Variants in FNBP1L observed in about 807,000 individuals in gnomAD.
FNBP1L encodes formin-binding protein 1-like.
Under a neutral mutation model 91.2 loss-of-function variants are expected in FNBP1L, and 36 were observed. The observed-to-expected ratio is 0.39, with a 90% CI of 0.30 to 0.52. The LOEUF (loss-of-function observed/expected upper bound fraction) is 0.52, where lower values mean the gene tolerates loss of function less well. Among genes scored for constraint, FNBP1L ranks in the 20% least tolerant of loss-of-function variants. The pLI, the probability that FNBP1L is intolerant of heterozygous loss-of-function variation, is 0.66. For synonymous variants in FNBP1L, 242 were observed against 237.0 expected (o/e 1.02, Z -0.19); for missense variants, 571 against 732.1 (o/e 0.78, Z 2.54).
intron 2 of FNBP1L, among the ~76,000 whole-genome samples, chr1:93,518,415 G>C (rs1235514934): frequency 1.3e-5 from 2 of 152,072 alleles, no homozygotes; most frequent in Non-Finnish European, 2.9e-5. Context: ...GCTTCTCTTT[G>C]TGTATTTTTT....
chr1:93,548,217 G>A (rs954880184), intron 14 of FNBP1L, among the ~76,000 whole-genome samples: 1 of 152,102 alleles, frequency 6.6e-6, no homozygotes, highest in East Asian at 1.9e-4. Context: ...ACTGGTTTTT[G>A]TTATTAGGTA....
At chr1:93,540,602 T>C (rs974795706) in intron 10 of FNBP1L, among the ~76,000 whole-genome samples, 5 of 152,140 alleles carry the variant, frequency 3.3e-5, no homozygotes, top group Non-Finnish European at 7.4e-5. Context: ...GTGTTTTCTT[T>C]AACACACTGG....
At chr1:93,488,801 G>T (rs1480350533) in intron 1 of FNBP1L, among the ~76,000 whole-genome samples, 1 of 152,162 alleles carries the variant, frequency 6.6e-6, no homozygotes, top group African/African-American at 2.4e-5. Context: ...TAGGGTTATG[G>T]ACAGTTTATC....
At chr1:93,468,369 G>A (rs1013020968) in intron 1 of FNBP1L, among the ~76,000 whole-genome samples, 2 of 151,880 alleles carry the variant, frequency 1.3e-5, no homozygotes, top group African/African-American at 2.4e-5. Flanking sequence ...TGACTTTTAG[G>A]TGTTTTCTAT....
chr1:93,466,634 G>A (rs571775532), intron 1 of FNBP1L, among the ~76,000 whole-genome samples: 24 of 152,224 alleles, frequency 1.6e-4, no homozygotes, highest in Admixed American at 3.3e-4. Context: ...GTCAGGTAGC[G>A]TCATGCCTCC....
In FNBP1L at chr1:93,554,257, CTG is replaced by C. The variant is rs1192108491; in HGVS notation, c.*1845_*1846del. On this transcript the variant is annotated 3_prime_UTR_variant, in exon 17 of 17. Transcript: ENST00000271234. ...GCAATGAGGAGGAAATGTGATCTGGCTGTGTTTGTCTTCTGTACAAAGCCTGA... is the reference window on the plus strand; with the variant it reads ...GCAATGAGGAGGAAATGTGATCTGGCTGTTTGTCTTCTGTACAAAGCCTGA... 1 of 152,644 alleles carries C rather than the reference CTG, an allele frequency of 6.6e-6. No homozygotes were observed. The highest frequency in any genetic ancestry group is 2.4e-5 in the African/African-American group (1 of 41,450). 9.5% of individuals were successfully genotyped at this position (152,644 alleles called of 1,614,324 possible). A position where few individuals can be genotyped will look rare whatever the true frequency, so the allele number is the denominator to read the frequency against.
At position 93,552,559 on chromosome 1, in the gene FNBP1L, T is replaced by TA; in HGVS notation, c.*145dup. 1.5e-6 allele frequency: 1 copy of TA among 688,542 alleles called. No individual in the cohort carries two copies. Among genetic ancestry groups the TA allele is most frequent in the Admixed American group, 3.0e-5 (1 of 33,612 alleles). 42.7% of individuals were successfully genotyped at this position (688,542 alleles called of 1,614,324 possible). On this transcript the variant is annotated 3_prime_UTR_variant, in exon 17 of 17. Transcript: ENST00000271234. ...CATGCAGACATGATTTTTTTTTTACTAACTTCATTAGCATTTCCATACATT... is the reference window on the plus strand; with the variant it reads ...CATGCAGACATGATTTTTTTTTTACTAAACTTCATTAGCATTTCCATACATT...
At chr1:93,512,888 C>G (rs1016573058) in intron 2 of FNBP1L, among the ~76,000 whole-genome samples, 1 of 151,840 alleles carries the variant, frequency 6.6e-6, no homozygotes, top group Non-Finnish European at 1.5e-5. Context: ...CAAACACATT[C>G]AAAAGCTAGC....
intron 7 of FNBP1L, among the ~76,000 whole-genome samples, chr1:93,531,162 A>T (rs74610945): frequency 0.019 from 2,849 of 152,318 alleles, 37 homozygotes; most frequent in Non-Finnish European, 0.024. Context: ...GACAAAGGAG[A>T]ATTAATTGAA....
chr1:93,450,585 A>G (rs932130487), intron 1 of FNBP1L, among the ~76,000 whole-genome samples: 1 of 152,176 alleles, frequency 6.6e-6, no homozygotes, highest in African/African-American at 2.4e-5. Context: ...GTTTTGAAAA[A>G]GGATTATACT....
chr1:93,485,290 GCT>G (rs965623498), intron 1 of FNBP1L, among the ~76,000 whole-genome samples: 2 of 152,058 alleles, frequency 1.3e-5, no homozygotes, highest in Non-Finnish European at 2.9e-5. Context: ...CAACAGATAT[GCT>G]CTGATAGTTT....
chr1:93,544,102 T>C lies in FNBP1L; in HGVS notation c.1165-5T>C. On this transcript the variant is annotated splice_polypyrimidine_tract_variant and splice_region_variant and intron_variant, in intron 11 of 16. Transcript: ENST00000271234. Reference sequence around the variant, plus strand: ...CTATTATAATGATTTAGATTCTCTTTTCAGGGCCCAGCACTAGAAGATTTC... The same window carrying C: ...CTATTATAATGATTTAGATTCTCTTCTCAGGGCCCAGCACTAGAAGATTTC... 1 of 1,588,266 alleles carries C rather than the reference T, an allele frequency of 6.3e-7. No homozygotes were observed.
Position 93,553,090 on chromosome 1 carries a change from A to T in FNBP1L, c.*674A>T, listed in dbSNP as rs1002008774. On this transcript the variant is annotated 3_prime_UTR_variant, in exon 17 of 17. Transcript: ENST00000271234. ...AAGTAGCTGTGAACCTGAAGTATTT[A>T]TGATAAGAAAAAGAAAACATCTCTG... 2 of 152,598 alleles carry T rather than the reference A, an allele frequency of 1.3e-5. No individual in the cohort carries two copies. Among genetic ancestry groups the T allele is most frequent in the African/African-American group, 4.8e-5 (2 of 41,452 alleles). 9.5% of individuals were successfully genotyped at this position (152,598 alleles called of 1,614,324 possible). A position where few individuals can be genotyped will look rare whatever the true frequency, so the allele number is the denominator to read the frequency against.
chr1:93,469,077 T>G (rs1669192099), intron 1 of FNBP1L, among the ~76,000 whole-genome samples: 1 of 152,184 alleles, frequency 6.6e-6, no homozygotes, highest in African/African-American at 2.4e-5. Flanking sequence ...CCTGCTTACC[T>G]CAGTTAACTT....
chr1:93,554,292 ATGGTTTTT>A lies in FNBP1L; in HGVS notation c.*1880_*1887del, dbSNP rs1455102670. 6.6e-6 allele frequency: 1 copy of A among 152,668 alleles called. No individual in the cohort carries two copies. The allele number at this position is 152,668 out of a possible 1,614,324, so 9.5% of individuals were successfully genotyped here. A position where few individuals can be genotyped will look rare whatever the true frequency, so the allele number is the denominator to read the frequency against. On this transcript the variant is annotated 3_prime_UTR_variant, in exon 17 of 17. Coordinates refer to ENST00000271234, the MANE Select transcript of FNBP1L (RefSeq NM_001164473.3). The stretch of plus-strand genomic sequence containing the variant: ...CTTCTGTACAAAGCCTGAAGTGCTT[ATGGTTTTT>A]TGGCTAACAGCCACAGAGGGCAAAG...
At chr1:93,517,367 C>T (rs1285881205) in intron 2 of FNBP1L, among the ~76,000 whole-genome samples, 1 of 151,932 alleles carries the variant, frequency 6.6e-6, no homozygotes, top group African/African-American at 2.4e-5. Context: ...ACTCTCTTTC[C>T]CAGGCTGGAG....
rs1671614157 is a variant in FNBP1L, at chr1:93,529,725, A to G, written c.479A>G (p.Asp160Gly). Residue 160 changes from aspartate to glycine, a missense_variant, in exon 6 of 17, where the codon GAT becomes GGT. Physicochemically the swap from Asp to Gly is moderately conservative, Grantham distance 94. Transcript: ENST00000271234. ...AQQSYERLDN[D>G]TNATKADVEK... ...CAGAGTTATGAAAGATTGGATAATGATACTAATGCAACCAAGGCAGATGTT... is the reference window on the plus strand; with the variant it reads ...CAGAGTTATGAAAGATTGGATAATGGTACTAATGCAACCAAGGCAGATGTT... The G allele has an allele frequency of 6.5e-7, 1 of 1,530,030 alleles. No homozygotes were observed. The highest frequency in any genetic ancestry group is 2.3e-5 in the Admixed American group (1 of 44,372). 94.8% of individuals were successfully genotyped at this position (1,530,030 alleles called of 1,614,324 possible). A position where few individuals can be genotyped will look rare whatever the true frequency, so the allele number is the denominator to read the frequency against.
At chr1:93,516,726 AAGT>A (rs964708908) in intron 2 of FNBP1L, among the ~76,000 whole-genome samples, 4 of 152,118 alleles carry the variant, frequency 2.6e-5, no homozygotes, top group African/African-American at 9.7e-5. Context: ...GAAAAAAAAA[AAGT>A]AGTCAATCTT....
intron 1 of FNBP1L, among the ~76,000 whole-genome samples, chr1:93,458,083 C>G (rs528885561): frequency 6.6e-6 from 1 of 152,154 alleles, no homozygotes; most frequent in Admixed American, 6.5e-5. Flanking sequence ...AGCCACGACG[C>G]CCGGCCGGAA....
Sources: gnomAD v4.1 joint callset for allele counts (sites outside exome capture counted in the v4.1 genomes callset) on GRCh38, gnomAD v4.1.1 for gene constraint, MANE v1.5 for transcripts, NCBI Gene and HGNC (gene_info 2026-07-23, HGNC 2026-07-21) for gene names.